Variants in ZMAT4 observed in about 807,000 individuals in gnomAD.
ZMAT4 encodes zinc finger matrin-type 4.
Under a neutral mutation model 28.7 loss-of-function variants are expected in ZMAT4, and 17 were observed. The observed-to-expected ratio is 0.59, with a 90% CI of 0.41 to 0.89. ZMAT4 has a LOEUF of 0.89. Ranked by LOEUF, ZMAT4 falls within the 40% of genes least tolerant of loss-of-function variation. The pLI is 0.00. For synonymous variants in ZMAT4, 117 were observed against 109.2 expected (o/e 1.07, Z -0.44); for missense variants, 240 against 283.8 (o/e 0.85, Z 1.11).
At chr8:40,829,640 G>A (rs1406899570) in intron 1 of ZMAT4, among the ~76,000 whole-genome samples, 1 of 152,160 alleles carries the variant, frequency 6.6e-6, no homozygotes, top group East Asian at 1.9e-4. Context: ...GAGCTACTGA[G>A]TAAGAAGAGA....
intron 3 of ZMAT4, among the ~76,000 whole-genome samples, 172 bp from the exon 4 acceptor site, chr8:40,697,573 A>T (rs1245096660): frequency 6.6e-6 from 1 of 151,370 alleles, no homozygotes; most frequent in Non-Finnish European, 1.5e-5. Context: ...AAATTTTTTT[A>T]TTATACTTTA....
intron 6 of ZMAT4, among the ~76,000 whole-genome samples, chr8:40,562,631 C>G (rs989495323): frequency 6.6e-6 from 1 of 152,030 alleles, no homozygotes; most frequent in African/African-American, 2.4e-5. Context: ...GGAACTCCCC[C>G]TCTTTCTTTC....
intron 5 of ZMAT4, among the ~76,000 whole-genome samples, chr8:40,609,619 G>A (rs1563364885): frequency 6.6e-6 from 1 of 152,078 alleles, no homozygotes; most frequent in Non-Finnish European, 1.5e-5. Context: ...TTTGAACTTA[G>A]CCAAAGCCCA....
At chr8:40,561,670 C>T (rs1585686325) in intron 6 of ZMAT4, among the ~76,000 whole-genome samples, 1 of 152,154 alleles carries the variant, frequency 6.6e-6, no homozygotes, top group South Asian at 2.1e-4. Flanking sequence ...AGGCTCAGTG[C>T]AAGCTTGTTC....
At chr8:40,740,047 A>T (rs750561479) in intron 3 of ZMAT4, among the ~76,000 whole-genome samples, 1 of 152,106 alleles carries the variant, frequency 6.6e-6, no homozygotes, top group East Asian at 1.9e-4. Context: ...TCTACCATTG[A>T]TGGGCGTTTG....
At chr8:40,681,260 T>G (rs1191056156) in intron 4 of ZMAT4, among the ~76,000 whole-genome samples, 1 of 152,240 alleles carries the variant, frequency 6.6e-6, no homozygotes, top group Non-Finnish European at 1.5e-5. Context: ...AGATTAATTC[T>G]AGAATCAAAA....
intron 3 of ZMAT4, among the ~76,000 whole-genome samples, chr8:40,745,803 T>C (rs1014579481): frequency 3.9e-5 from 6 of 152,206 alleles, no homozygotes; most frequent in African/African-American, 1.4e-4. Flanking sequence ...TTTGGTGTTT[T>C]ATATTGCTCA....
At chr8:40,890,765 C>T (rs775474199) in intron 1 of ZMAT4, among the ~76,000 whole-genome samples, 1 of 152,122 alleles carries the variant, frequency 6.6e-6, no homozygotes, top group African/African-American at 2.4e-5. Flanking sequence ...AAACATGCCT[C>T]GTATGGGCAG....
At chr8:40,535,585 C>T (rs1486494901) in intron 6 of ZMAT4, among the ~76,000 whole-genome samples, 3 of 151,792 alleles carry the variant, frequency 2.0e-5, no homozygotes, top group Admixed American at 6.6e-5. Context: ...AGGAGAATTG[C>T]TTGAACCCAG....
At chr8:40,879,841 A>G (rs1440349333) in intron 1 of ZMAT4, among the ~76,000 whole-genome samples, 1 of 152,218 alleles carries the variant, frequency 6.6e-6, no homozygotes, top group African/African-American at 2.4e-5. Flanking sequence ...TTTCAGCTTT[A>G]TGAGCATTGT....
intron 5 of ZMAT4, among the ~76,000 whole-genome samples, chr8:40,592,348 G>C (rs1009970206): frequency 6.6e-6 from 1 of 152,188 alleles, no homozygotes; most frequent in Non-Finnish European, 1.5e-5. Flanking sequence ...CACAGCCCTA[G>C]TTAAAGAGCC....
intron 2 of ZMAT4, among the ~76,000 whole-genome samples, chr8:40,771,538 T>C (rs1374994989): frequency 6.6e-6 from 1 of 152,222 alleles, no homozygotes; most frequent in African/African-American, 2.4e-5. Flanking sequence ...AGAAATGCTG[T>C]TAATGTATAC....
intron 6 of ZMAT4, among the ~76,000 whole-genome samples, chr8:40,568,397 C>G (rs1385271508): frequency 6.6e-6 from 1 of 152,148 alleles, no homozygotes; most frequent in East Asian, 1.9e-4. Flanking sequence ...TTTCCTGGAT[C>G]ACTTCTTCTA....
At chr8:40,851,613 T>C (rs1367032434) in intron 1 of ZMAT4, among the ~76,000 whole-genome samples, 1 of 152,192 alleles carries the variant, frequency 6.6e-6, no homozygotes, top group African/African-American at 2.4e-5. Context: ...AATTGACACA[T>C]AATAATTGCA....
intron 5 of ZMAT4, among the ~76,000 whole-genome samples, chr8:40,659,299 T>C (rs1460231396): frequency 6.6e-6 from 1 of 152,168 alleles, no homozygotes; most frequent in Non-Finnish European, 1.5e-5. Flanking sequence ...TTAGTAGACA[T>C]TGCCCCTTGA....
intron 5 of ZMAT4, among the ~76,000 whole-genome samples, chr8:40,632,549 A>G (rs2118730785): frequency 1.3e-5 from 2 of 152,242 alleles, no homozygotes; most frequent in South Asian, 4.1e-4. Flanking sequence ...TCCAAAGATT[A>G]ACGTGTTTAT....
At chr8:40,741,641 G>C (rs988783359) in intron 3 of ZMAT4, among the ~76,000 whole-genome samples, 11 of 152,138 alleles carry the variant, frequency 7.2e-5, no homozygotes, top group African/African-American at 2.6e-4. Flanking sequence ...ATCGGTGCTG[G>C]GAATATCAAT....
chr8:40,536,018 A>G (rs1038930711), intron 6 of ZMAT4, among the ~76,000 whole-genome samples: 10 of 152,218 alleles, frequency 6.6e-5, no homozygotes, highest in African/African-American at 2.4e-4. Context: ...ATGTTGCTGA[A>G]CAGTCATGAC....
At chr8:40,707,814 T>C (rs914553440) in intron 3 of ZMAT4, among the ~76,000 whole-genome samples, 1 of 152,200 alleles carries the variant, frequency 6.6e-6, no homozygotes, top group African/African-American at 2.4e-5. Flanking sequence ...TTTCCTATTA[T>C]ATGTCTTGAG....
Sources: gnomAD v4.1 joint callset for allele counts (sites outside exome capture counted in the v4.1 genomes callset) on GRCh38, gnomAD v4.1.1 for gene constraint, MANE v1.5 for transcripts, NCBI Gene and HGNC (gene_info 2026-07-23, HGNC 2026-07-21) for gene names.